The following RYR2 variants were observed in gnomAD, a reference collection of about 807,000 sequenced individuals.
RYR2 encodes the protein ryanodine receptor 2, also known as cardiac muscle ryanodine receptor-calcium release channel.
Under a neutral mutation model 601.1 loss-of-function variants are expected in RYR2, and 227 were observed. The observed-to-expected ratio is 0.38, with a 90% CI of 0.34 to 0.42. RYR2 has a LOEUF of 0.42. Ranked by LOEUF, RYR2 falls within the 10% of genes least tolerant of loss-of-function variation. The pLI is 1.00. For missense variants in RYR2, 4,646 were observed against 6,156.5 expected (o/e 0.75, Z 8.21); for synonymous variants, 2,223 against 2,175.1 (o/e 1.02, Z -0.61).
intron 85 of RYR2, among the ~76,000 whole-genome samples, chr1:237,771,457 A>T (rs572093357): frequency 2.0e-4 from 31 of 152,068 alleles, no homozygotes; most frequent in African/African-American, 7.2e-4. Flanking sequence ...ACATATAAAT[A>T]GTTATAGAGT....
chr1:237,082,733 A>T (rs1334401776), intron 1 of RYR2, among the ~76,000 whole-genome samples: 2 of 151,666 alleles, frequency 1.3e-5, no homozygotes, highest in East Asian at 3.9e-4. Flanking sequence ...ACAAGTGTTA[A>T]ATTGGACCCT....
chr1:237,511,552 G>T (rs1003571123), intron 23 of RYR2, 136 bp from the exon 24 acceptor site: 8 of 635,860 alleles, frequency 1.3e-5, no homozygotes, highest in South Asian at 1.2e-4. Flanking sequence ...GAGAGGTTGT[G>T]GGGGCAGCTT....
In RYR2 at chr1:237,792,311, C is replaced by T. The variant is rs1260477367; in HGVS notation, c.13770C>T (p.Tyr4590=). Residue 4590 remains tyrosine (Y), a synonymous_variant, in exon 94 of 105, where the codon TAC becomes TAT. Coordinates refer to ENST00000366574, the MANE Select transcript of RYR2 (RefSeq NM_001035.3). ...TVISFFCIIG[Y]YCLKVPLVIF... ...TTTCTTTCTTCTGCATCATTGGATACTACTGCTTGAAAGTAAGATAGTAAG... is the reference window on the plus strand; with the variant it reads ...TTTCTTTCTTCTGCATCATTGGATATTACTGCTTGAAAGTAAGATAGTAAG... 2 of 1,606,880 alleles carry T rather than the reference C, an allele frequency of 1.2e-6. No homozygotes were observed. The highest frequency in any genetic ancestry group is 1.7e-5 in the Admixed American group (1 of 59,752).
intron 48 of RYR2, among the ~76,000 whole-genome samples, chr1:237,647,492 C>G (rs1682296011): frequency 6.6e-6 from 1 of 152,232 alleles, no homozygotes; most frequent in African/African-American, 2.4e-5. Context: ...ATTATCCTTT[C>G]ATCTAGTTTC....
Position 237,623,000 on chromosome 1 carries a change from C to T in RYR2, c.5917-765C>T, listed in dbSNP as rs189295286. On this transcript the variant is annotated intron_variant, in intron 38 of 104. Coordinates refer to ENST00000366574, the MANE Select transcript of RYR2 (RefSeq NM_001035.3). ...TTACTTTTCAATTATATTTTTCCTTCTTATTTGTGTCTGTGTTCTTCTCAA... is the reference window on the plus strand; with the variant it reads ...TTACTTTTCAATTATATTTTTCCTTTTTATTTGTGTCTGTGTTCTTCTCAA... 2.2e-3 allele frequency among the ~76,000 whole-genome samples: 341 copies of T among 152,224 alleles called. 2 individuals carry two copies. The highest frequency in any genetic ancestry group is 8.0e-3 in the African/African-American group (333 of 41,548).
chr1:237,137,167 T>C (rs1210281307), intron 1 of RYR2, among the ~76,000 whole-genome samples: 2 of 152,124 alleles, frequency 1.3e-5, no homozygotes, highest in Non-Finnish European at 2.9e-5. Flanking sequence ...TTTGTGTGTA[T>C]GTGTGTGGTC....
At chr1:237,232,339 G>A (rs1685088918) in intron 1 of RYR2, among the ~76,000 whole-genome samples, 1 of 152,172 alleles carries the variant, frequency 6.6e-6, no homozygotes, top group Admixed American at 6.5e-5. Flanking sequence ...ATTCAATCAT[G>A]CCAACGTAAG....
intron 34 of RYR2, among the ~76,000 whole-genome samples, chr1:237,595,874 A>G (rs1675841893): frequency 6.6e-6 from 1 of 152,106 alleles, no homozygotes; most frequent in Non-Finnish European, 1.5e-5. Context: ...TCACCCCAAC[A>G]AAGCTGCACA....
At chr1:237,366,674 TCACACACACACACA>T (rs56679247) in intron 5 of RYR2, among the ~76,000 whole-genome samples, 5 of 144,826 alleles carry the variant, frequency 3.5e-5, no homozygotes, top group African/African-American at 7.7e-5. Context: ...ACCTCTTTAG[TCACACACACACACA>T]CACACACACA....
At chr1:237,270,389 G>T in intron 1 of RYR2, 108 bp from the exon 2 acceptor site, 1 of 1,439,942 alleles carries the variant, frequency 6.9e-7, no homozygotes, top group Non-Finnish European at 9.5e-7. Flanking sequence ...TTTACATTCG[G>T]CACAGATTTT....
chr1:237,142,497 AAGG>A (rs1673497793), intron 1 of RYR2, among the ~76,000 whole-genome samples: 1 of 152,204 alleles, frequency 6.6e-6, no homozygotes, highest in Non-Finnish European at 1.5e-5. Context: ...TGGTAGGATA[AAGG>A]AGAATACCCA....
At chr1:237,336,358 T>A (rs1049327519) in intron 3 of RYR2, among the ~76,000 whole-genome samples, 2 of 152,246 alleles carry the variant, frequency 1.3e-5, no homozygotes, top group African/African-American at 4.8e-5. Context: ...TCCAGAGATA[T>A]TCTTAAAATG....
intron 1 of RYR2, among the ~76,000 whole-genome samples, chr1:237,224,306 G>A (rs1156261866): frequency 1.3e-5 from 2 of 152,098 alleles, no homozygotes; most frequent in Non-Finnish European, 2.9e-5. Context: ...GTCTATTTAT[G>A]TGTTAATCAA....
intron 17 of RYR2, among the ~76,000 whole-genome samples, chr1:237,475,529 G>A (rs114656016): frequency 0.031 from 4,685 of 152,204 alleles, 257 homozygotes; most frequent in African/African-American, 0.11. Flanking sequence ...AAGAAAAAGT[G>A]TGGGTGGTGG....
intron 88 of RYR2, among the ~76,000 whole-genome samples, chr1:237,780,290 C>T (rs567255068): frequency 1.3e-5 from 2 of 152,254 alleles, no homozygotes; most frequent in South Asian, 4.2e-4. Flanking sequence ...CATTTAATCA[C>T]TAGGGATATT....
At chr1:237,109,367 G>T (rs1669162154) in intron 1 of RYR2, among the ~76,000 whole-genome samples, 2 of 151,528 alleles carry the variant, frequency 1.3e-5, no homozygotes, top group Admixed American at 1.3e-4. Flanking sequence ...AGTTGGCAAA[G>T]AATATGCAGT....
At chr1:237,238,236 G>C (rs969852795) in intron 1 of RYR2, among the ~76,000 whole-genome samples, 17 of 152,056 alleles carry the variant, frequency 1.1e-4, no homozygotes, top group Non-Finnish European at 2.2e-4. Flanking sequence ...CTCCCAAAGT[G>C]CTGGGATTAC....
At chr1:237,203,960 T>G (rs929589158) in intron 1 of RYR2, among the ~76,000 whole-genome samples, 3 of 152,346 alleles carry the variant, frequency 2.0e-5, no homozygotes, top group Non-Finnish European at 1.5e-5. Flanking sequence ...GGCTCGTTTG[T>G]GTCTGGCTTC....
At chr1:237,196,183 A>G (rs534397611) in intron 1 of RYR2, among the ~76,000 whole-genome samples, 3 of 152,300 alleles carry the variant, frequency 2.0e-5, no homozygotes, top group South Asian at 4.1e-4. Context: ...ATGTTCTAGT[A>G]ACAAATTATC....
Sources: allele counts gnomAD v4.1 joint callset (sites outside exome capture counted in the v4.1 genomes callset), GRCh38; gene constraint gnomAD v4.1.1; transcripts MANE v1.5; gene names NCBI Gene and HGNC (gene_info 2026-07-23, HGNC 2026-07-21).